Variants in CSMD1 observed in about 807,000 individuals in gnomAD.
CSMD1 encodes CUB and sushi domain-containing protein 1.
A neutral mutation model predicts 417.5 loss-of-function variants in CSMD1; 213 were observed. The observed-to-expected ratio is 0.51, with a 90% confidence interval of 0.46 to 0.57. The LOEUF (loss-of-function observed/expected upper bound fraction) is 0.57. Ranked by LOEUF, CSMD1 falls within the 20% of genes least tolerant of loss-of-function variation. The probability of loss-of-function intolerance (pLI) is 0.00; values close to 1 mark genes in which losing one functional copy is unlikely to be tolerated. For missense variants in CSMD1, 6,923 were observed against 4,529.7 expected (o/e 1.53, Z -15.17); for synonymous variants, 2,862 against 1,736.8 (o/e 1.65, Z -16.11).
chr8:4,369,756 C>T (rs1270033556), intron 3 of CSMD1, among the ~76,000 whole-genome samples: 1 of 152,082 alleles, frequency 6.6e-6, no homozygotes, highest in Non-Finnish European at 1.5e-5. Context: ...GAATTAGCTA[C>T]TCCTGTTTGT....
At position 4,407,496 on chromosome 8, in the gene CSMD1, T is replaced by C. The variant is rs191322637; in HGVS notation, c.415+12457A>G. On this transcript the variant is annotated intron_variant, in intron 3 of 69. Coordinates refer to ENST00000635120, the MANE Select transcript of CSMD1 (RefSeq NM_033225.6). ...ATTTTGTATATAATAAATTTCATTGTACTCTGTTGTATTTTTACAGTGTTT... is the reference window on the plus strand; with the variant it reads ...ATTTTGTATATAATAAATTTCATTGCACTCTGTTGTATTTTTACAGTGTTT... Among the ~76,000 whole-genome samples the C allele has an allele frequency of 6.4e-4, 97 of 152,344 alleles. 1 individual carries two copies. The highest frequency in any genetic ancestry group is 2.2e-3 in the African/African-American group (91 of 41,582).
At chr8:3,050,739 G>T (rs188791109) in intron 50 of CSMD1, among the ~76,000 whole-genome samples, 3 of 152,024 alleles carry the variant, frequency 2.0e-5, no homozygotes, top group African/African-American at 7.2e-5. Context: ...AAAAATAAAA[G>T]CTTTTGGGAA....
At chr8:4,656,770 G>A (rs114304807) in intron 1 of CSMD1, among the ~76,000 whole-genome samples, 2 of 151,898 alleles carry the variant, frequency 1.3e-5, no homozygotes, top group Non-Finnish European at 2.9e-5. Flanking sequence ...AGTGGCAGAC[G>A]TGATCCTAGA....
At chr8:3,839,984 G>A (rs570318190) in intron 5 of CSMD1, among the ~76,000 whole-genome samples, 4 of 152,188 alleles carry the variant, frequency 2.6e-5, no homozygotes, top group African/African-American at 9.6e-5. Context: ...GATGTTGAAG[G>A]ATGCATTTAA....
At chr8:4,472,013 C>T (rs906018853) in intron 2 of CSMD1, among the ~76,000 whole-genome samples, 3 of 152,126 alleles carry the variant, frequency 2.0e-5, no homozygotes. Flanking sequence ...ATCAACATTT[C>T]TTCCAATTTT....
At chr8:4,286,218 C>G (rs1504757) in intron 3 of CSMD1, among the ~76,000 whole-genome samples, 2 of 152,006 alleles carry the variant, frequency 1.3e-5, no homozygotes, top group African/African-American at 4.8e-5. Flanking sequence ...CTCTGTAATT[C>G]CTTCTTGCCA....
At chr8:4,528,349 G>C (rs1585206397) in intron 2 of CSMD1, among the ~76,000 whole-genome samples, 1 of 152,140 alleles carries the variant, frequency 6.6e-6, no homozygotes, top group East Asian at 1.9e-4. Flanking sequence ...GTGGGATCCA[G>C]GAAGTCACAG....
intron 2 of CSMD1, among the ~76,000 whole-genome samples, chr8:4,481,038 C>T (rs1377331142): frequency 6.6e-6 from 1 of 152,200 alleles, no homozygotes; most frequent in Non-Finnish European, 1.5e-5. Context: ...TCTCTCCCAA[C>T]CCAAGTAGTG....
At chr8:3,846,480 C>T (rs1007058159) in intron 5 of CSMD1, among the ~76,000 whole-genome samples, 2 of 152,108 alleles carry the variant, frequency 1.3e-5, no homozygotes, top group African/African-American at 2.4e-5. Context: ...TCAGTTTTTT[C>T]ACGTGTGAAA....
At chr8:4,109,222 G>A (rs766007242) in intron 3 of CSMD1, among the ~76,000 whole-genome samples, 1 of 152,078 alleles carries the variant, frequency 6.6e-6, no homozygotes. Flanking sequence ...TTTCGGTATA[G>A]ACACAACCAT....
intron 29 of CSMD1, among the ~76,000 whole-genome samples, chr8:3,217,088 A>T (rs1797925462): frequency 6.6e-6 from 1 of 151,812 alleles, no homozygotes; most frequent in South Asian, 2.1e-4. Context: ...GGCTGGATAC[A>T]ATAGCATCAC....
intron 47 of CSMD1, among the ~76,000 whole-genome samples, chr8:3,094,286 T>C (rs897151611): frequency 1.3e-5 from 2 of 151,982 alleles, no homozygotes; most frequent in African/African-American, 4.8e-5. Flanking sequence ...TTGTATTTTT[T>C]AGCAGAGACG....
At chr8:4,510,551 C>G (rs867228006) in intron 2 of CSMD1, among the ~76,000 whole-genome samples, 1 of 150,126 alleles carries the variant, frequency 6.7e-6, no homozygotes, top group African/African-American at 2.5e-5. Flanking sequence ...AGCAATCTTC[C>G]CTTCCCTCTT....
chr8:4,358,425 C>T (rs888238622), intron 3 of CSMD1, among the ~76,000 whole-genome samples: 1 of 152,192 alleles, frequency 6.6e-6, no homozygotes, highest in African/African-American at 2.4e-5. Flanking sequence ...ATATGAAATT[C>T]AAATTTCAGT....
chr8:3,105,310 T>C (rs1047121968), intron 46 of CSMD1, among the ~76,000 whole-genome samples: 1 of 117,982 alleles, frequency 8.5e-6, no homozygotes, highest in Non-Finnish European at 2.2e-5. Flanking sequence ...GCTGTGTCAC[T>C]CACCCTAAGG....
intron 1 of CSMD1, among the ~76,000 whole-genome samples, chr8:4,793,883 A>G (rs1045401900): frequency 8.5e-5 from 13 of 152,060 alleles, no homozygotes. Flanking sequence ...GTTAATAAGA[A>G]TGATCAGGTA....
intron 5 of CSMD1, among the ~76,000 whole-genome samples, chr8:3,799,110 T>G (rs1424111621): frequency 6.6e-6 from 1 of 152,134 alleles, no homozygotes; most frequent in Non-Finnish European, 1.5e-5. Context: ...TATCCTCAAT[T>G]TGCTACATAG....
chr8:4,379,269 G>T (rs1176466340), intron 3 of CSMD1, among the ~76,000 whole-genome samples: 1 of 152,114 alleles, frequency 6.6e-6, no homozygotes, highest in Non-Finnish European at 1.5e-5. Context: ...TAAAAAATAG[G>T]TGACCAGAAA....
At chr8:3,621,517 A>G (rs370801356) in intron 7 of CSMD1, among the ~76,000 whole-genome samples, 16 of 152,256 alleles carry the variant, frequency 1.1e-4, no homozygotes, top group African/African-American at 2.9e-4. Flanking sequence ...ACAGAGATGA[A>G]TAGTGGTGAT....
Sources: gnomAD v4.1 joint callset for allele counts (sites outside exome capture counted in the v4.1 genomes callset) on GRCh38, gnomAD v4.1.1 for gene constraint, MANE v1.5 for transcripts, NCBI Gene and HGNC (gene_info 2026-07-23, HGNC 2026-07-21) for gene names.